F7: variants seen among roughly 807,000 people sequenced by gnomAD.
The protein encoded by F7 is FVII coagulation protein.
In F7, 38 loss-of-function variants were observed where a neutral mutation model predicts 47.5. The observed-to-expected ratio is 0.80, with a 90% CI of 0.62 to 1.05. F7 has a LOEUF of 1.05. Among genes scored for constraint, F7 ranks in the 50% least tolerant of loss-of-function variants. F7 has a pLI of 0.00. For synonymous variants in F7, 244 were observed against 258.5 expected, an observed-to-expected ratio of 0.94 and a Z score of 0.54; for missense variants, 575 against 605.4, an observed-to-expected ratio of 0.95 and a Z score of 0.53.
At position 113,116,847 on chromosome 13, in the gene F7, T is replaced by G. The variant is rs953184897; in HGVS notation, c.587T>G (p.Val196Gly). 2 of 1,613,696 alleles carry G rather than the reference T, an allele frequency of 1.2e-6. No homozygotes were observed. The highest frequency in any genetic ancestry group is 3.3e-5 in the Admixed American group (2 of 60,026). Residue 196 changes from valine (V) to glycine (G), a missense_variant, in exon 6 of 8, where the codon GTG (valine) becomes GGG (glycine). Physicochemically the swap from Val to Gly is moderately radical, Grantham distance 109. Coordinates refer to ENST00000346342, the MANE Select transcript of F7 (RefSeq NM_019616.4). ...KPQGRIVGGK[V>G]CPKGECPWQV... ...CAAGGCCGAATTGTGGGGGGCAAGGTGTGCCCCAAAGGGGAGTGTCCATGG... is the reference window on the plus strand; with the variant it reads ...CAAGGCCGAATTGTGGGGGGCAAGGGGTGCCCCAAAGGGGAGTGTCCATGG...
intron 7 of F7, among the ~76,000 whole-genome samples, chr13:113,118,023 G>T (rs969013809): frequency 2.0e-5 from 3 of 152,226 alleles, no homozygotes; most frequent in African/African-American, 4.8e-5. Flanking sequence ...AAGAGGATGC[G>T]ACACCCAGGG....
chr13:113,107,276 CGTGGGTGTCCCAGGAGT>C lies in F7; in HGVS notation c.64+1383_64+1399del, dbSNP rs1307577716. On this transcript the variant is annotated intron_variant, in intron 1 of 7. Coordinates refer to ENST00000346342, the MANE Select transcript of F7 (RefSeq NM_019616.4). ...CCCGGGAGTGTGGGTGTCCCGGGGG[CGTGGGTGTCCCAGGAGT>C]GTGGGTGTCCCGGGGGCGTGGGTGT... Among the ~76,000 whole-genome samples, 431 of 55,104 alleles carry C rather than the reference CGTGGGTGTCCCAGGAGT, an allele frequency of 7.8e-3. 9 individuals carry two copies. Among genetic ancestry groups the C allele is most frequent in the African/African-American group, 0.027 (364 of 13,280 alleles). The allele number at this position is 55,104 out of a possible 152,430, so 36.2% of individuals were successfully genotyped here.
Position 113,119,099 on chromosome 13 carries a change from T to C in F7, c.*91T>C. ...ATATATTCTTCTGCAGTTAATGGGGTAGAGGAGGGCATGGGAGGGAGGGAG... is the reference window on the plus strand; with the variant it reads ...ATATATTCTTCTGCAGTTAATGGGGCAGAGGAGGGCATGGGAGGGAGGGAG... On this transcript the variant is annotated 3_prime_UTR_variant, in exon 8 of 8. Coordinates refer to ENST00000346342, the MANE Select transcript of F7 (RefSeq NM_019616.4). 2 of 1,177,770 alleles carry C rather than the reference T, an allele frequency of 1.7e-6. No homozygotes were observed. The highest frequency in any genetic ancestry group is 1.9e-5 in the Admixed American group (1 of 52,214). The allele number at this position is 1,177,770 out of a possible 1,614,324, so 73.0% of individuals were successfully genotyped here. A position where few individuals can be genotyped will look rare whatever the true frequency, so the allele number is the denominator to read the frequency against.
At chr13:113,108,376 C>T (rs2036011914) in intron 1 of F7, among the ~76,000 whole-genome samples, 1 of 81,864 alleles carries the variant, frequency 1.2e-5, no homozygotes. Flanking sequence ...GTGGGTGTCC[C>T]GGGGGTGTGG....
At position 113,115,114 on chromosome 13, in the gene F7, C is replaced by T. The variant is rs3093242; in HGVS notation, c.365-546C>T. On this transcript the variant is annotated intron_variant, in intron 4 of 7. Coordinates refer to ENST00000346342, the MANE Select transcript of F7 (RefSeq NM_019616.4). ...CCTTCCCGCCGGAGTCCTGGACTTG[C>T]TCAGGGCCACTCCCCTTGCCCATGT... Among the ~76,000 whole-genome samples the T allele has an allele frequency of 6.0e-3, 913 of 152,346 alleles. 12 individuals carry two copies. Among genetic ancestry groups the T allele is most frequent in the African/African-American group, 0.02 (832 of 41,584 alleles).
chr13:113,106,749 G>A (rs954489907), intron 1 of F7: 3 of 1,222,792 alleles, frequency 2.5e-6, no homozygotes, highest in South Asian at 1.3e-5. Context: ...GGGATGGCGA[G>A]TGGGGGGTGG....
intron 7 of F7, 138 bp downstream of exon 7, chr13:113,117,734 C>T (rs554170009): frequency 4.0e-6 from 6 of 1,497,226 alleles, no homozygotes; most frequent in East Asian, 4.8e-5. Context: ...CCTGTCCGAC[C>T]GCGGTGCTGG....
Position 113,118,648 on chromosome 13 carries a change from G to A in F7, c.975G>A (p.Leu325=). The A allele has an allele frequency of 6.2e-7, 1 of 1,612,748 alleles. No homozygotes were observed. Among genetic ancestry groups the A allele is most frequent in the Non-Finnish European group, 8.5e-7 (1 of 1,179,906 alleles). ...RFSLVSGWGQ[L]LDRGATALEL... ...CATTGGTCAGCGGCTGGGGCCAGCT[G>A]CTGGACCGTGGCGCCACGGCCCTGG... The change falls in exon 8 of 8, where the codon CTG becomes CTA. Residue 325 remains leucine, a synonymous_variant. Transcript: ENST00000346342.
In F7 at chr13:113,105,953, G is replaced by T. The variant is rs755996306; in HGVS notation, c.64+48G>T. Reference sequence around the variant, plus strand: ...CATAAACTTGGTGGAAGGGCAGTGGGCAAATCCAGGAGCCAGCCCGGGCTT... The same window carrying T: ...CATAAACTTGGTGGAAGGGCAGTGGTCAAATCCAGGAGCCAGCCCGGGCTT... On this transcript the variant is annotated intron_variant, in intron 1 of 7. Coordinates refer to ENST00000346342, the MANE Select transcript of F7 (RefSeq NM_019616.4). The T allele has an allele frequency of 3.9e-6, 6 of 1,519,356 alleles. No individual in the cohort carries two copies. In the East Asian group the frequency reaches 1.4e-4, roughly 36 times the overall value. 94.1% of individuals were successfully genotyped at this position (1,519,356 alleles called of 1,614,324 possible). A position where few individuals can be genotyped will look rare whatever the true frequency, so the allele number is the denominator to read the frequency against.
chr13:113,117,660 C>T (rs866278223), intron 7 of F7, 64 bp downstream of exon 7: 10 of 1,540,012 alleles, frequency 6.5e-6, no homozygotes, highest in East Asian at 4.6e-5. Context: ...CCTGTCCGAC[C>T]GCGGTGCTGG....
At chr13:113,111,886 C>T (rs1367817816) in intron 2 of F7, among the ~76,000 whole-genome samples, 2 of 141,608 alleles carry the variant, frequency 1.4e-5, no homozygotes, top group East Asian at 4.3e-4. Context: ...TCACCTCACA[C>T]TCACAGGACA....
intron 4 of F7, chr13:113,114,512 T>C: frequency 5.8e-6 from 1 of 173,170 alleles, no homozygotes; most frequent in Admixed American, 5.4e-5. Flanking sequence ...GGCACAAGCT[T>C]CCCCTTGTCC....
chr13:113,113,330 C>T lies in F7; in HGVS notation c.226-422C>T, dbSNP rs904803239. 9.9e-5 allele frequency among the ~76,000 whole-genome samples: 15 copies of T among 152,234 alleles called. No homozygotes were observed. Among genetic ancestry groups the T allele is most frequent in the African/African-American group, 3.6e-4 (15 of 41,460 alleles). On this transcript the variant is annotated intron_variant, in intron 2 of 7. Coordinates refer to ENST00000346342, the MANE Select transcript of F7 (RefSeq NM_019616.4). This position sits in a 1 kb window ranked among gnomAD's most constrained non-coding sequence, Gnocchi z 4.1. ...CGTGAGTTTAAGTTCAGGTGGCCAA[C>T]AGTTTCTTCAGCAATCACTTTTTTC...
chr13:113,115,511 G>C, intron 4 of F7, 149 bp from the exon 5 acceptor site: 2 of 807,576 alleles, frequency 2.5e-6, no homozygotes, highest in South Asian at 3.1e-5. Flanking sequence ...CCACGGAGCA[G>C]GTGGTGCCAA....
chr13:113,118,807 C>T lies in F7; in HGVS notation c.1134C>T (p.Cys378=), dbSNP rs1338425278. The T allele has an allele frequency of 6.2e-7, 1 of 1,613,064 alleles. No homozygotes were observed. Among genetic ancestry groups the T allele is most frequent in the African/African-American group, 1.3e-5 (1 of 74,934 alleles). The change falls in exon 8 of 8, where the codon TGC becomes TGT. Residue 378 remains cysteine (C), a synonymous_variant. Transcript: ENST00000346342. ...AGYSDGSKDS[C]KGDSGGPHAT... ...ACTCGGATGGCAGCAAGGACTCCTG[C>T]AAGGGGGACAGTGGAGGCCCACATG... is the stretch of plus-strand genomic sequence containing the variant.
chr13:113,109,395 T>A (rs1019744453), intron 1 of F7, among the ~76,000 whole-genome samples: 3 of 152,084 alleles, frequency 2.0e-5, no homozygotes, highest in Non-Finnish European at 4.4e-5. Flanking sequence ...TGTCCCCGCC[T>A]GCATCCTCAG....
At chr13:113,115,903 G>A in intron 5 of F7, 103 bp downstream of exon 5, 1 of 1,503,504 alleles carries the variant, frequency 6.7e-7, no homozygotes, top group Admixed American at 1.7e-5. Context: ...CACATCTACT[G>A]AGCACTAACT....
At position 113,110,866 on chromosome 13, in the gene F7, GGGCGCCCC is replaced by G. The variant is rs1379344138; in HGVS notation, c.225+18_225+25del. 6.4e-7 allele frequency: 1 copy of G among 1,552,982 alleles called. No homozygotes were observed. Among genetic ancestry groups the G allele is most frequent in the Non-Finnish European group, 8.7e-7 (1 of 1,149,244 alleles). On this transcript the variant is annotated intron_variant, in intron 2 of 7. Coordinates refer to ENST00000346342, the MANE Select transcript of F7 (RefSeq NM_019616.4). ...GGAGAGGACGGTGAGCCCAGCCTCG[GGGCGCCCC>G]GCGCCGCGGACACTGCAGGCGGCGG...
At chr13:113,115,879 G>T (rs2036185883) in intron 5 of F7, 79 bp downstream of exon 5, 1 of 1,589,822 alleles carries the variant, frequency 6.3e-7, no homozygotes, top group Admixed American at 1.7e-5. Context: ...ACAAAAGACG[G>T]GTGGGAGTGG....
Sources: allele counts gnomAD v4.1 joint callset (sites outside exome capture counted in the v4.1 genomes callset), GRCh38; gene constraint gnomAD v4.1.1; non-coding constraint Gnocchi (gnomAD v3.1); transcripts MANE v1.5; gene names NCBI Gene and HGNC (gene_info 2026-07-23, HGNC 2026-07-21).